KCNQ1: variants seen among roughly 807,000 people sequenced by gnomAD.
The protein encoded by KCNQ1 is potassium voltage-gated channel subfamily KQT member 1.
A neutral mutation model predicts 72.4 loss-of-function variants in KCNQ1; 49 were observed. That is an observed-to-expected ratio of 0.68 (90% confidence interval 0.54 to 0.86). The LOEUF is 0.86. KCNQ1 is among the 40% of genes least tolerant of loss of function. KCNQ1 has a pLI of 0.00. For synonymous variants in KCNQ1, 450 were observed against 412.6 expected (o/e 1.09, Z -1.10); for missense variants, 790 against 945.1 (o/e 0.84, Z 2.15).
At chr11:2,696,077 G>T in intron 11 of KCNQ1, 1 of 398,610 alleles carries the variant, frequency 2.5e-6, no homozygotes, top group South Asian at 1.3e-4. Context: ...CCCTTGCCAT[G>T]ATGGATTTAT....
At chr11:2,760,379 A>G (rs929829653) in intron 11 of KCNQ1, among the ~76,000 whole-genome samples, 2 of 152,224 alleles carry the variant, frequency 1.3e-5, no homozygotes, top group African/African-American at 4.8e-5. Flanking sequence ...TCATCTACAA[A>G]TTATTAACAA....
chr11:2,781,640 C>A lies in KCNQ1; in HGVS notation c.1794+3603C>A, dbSNP rs1846824494. On this transcript the variant is annotated intron_variant, in intron 15 of 15. Coordinates refer to ENST00000155840, the MANE Select transcript of KCNQ1 (RefSeq NM_000218.3). This position sits in a 1 kb window ranked among gnomAD's most constrained non-coding sequence, Gnocchi z 6.6. ...AGAGGCCGCTCCAGCCCTCCTCCCC[C>A]AGCAAGTATTCTTAGCTTGGTCTCC... 6.6e-6 allele frequency among the ~76,000 whole-genome samples: 1 copy of A among 152,244 alleles called. No individual in the cohort carries two copies.
rs1846216748 is a variant in KCNQ1, at chr11:2,750,956, G to C, written c.1515-17888G>C. Among the ~76,000 whole-genome samples, 1 of 152,096 alleles carries C rather than the reference G, an allele frequency of 6.6e-6. No homozygotes were observed. Among genetic ancestry groups the C allele is most frequent in the Non-Finnish European group, 1.5e-5 (1 of 68,022 alleles). ...CCCAACCTCGAGGCTCTTTACCTCT[G>C]TCTGTGCACCCACCCAGCCCCTCCT... On this transcript the variant is annotated intron_variant, in intron 11 of 15. Transcript: ENST00000155840. The surrounding 1 kb of genome is among the most constrained non-coding windows in gnomAD (Gnocchi z 6.3).
intron 6 of KCNQ1, among the ~76,000 whole-genome samples, chr11:2,580,626 T>C (rs574231454): frequency 2.6e-5 from 4 of 151,960 alleles, no homozygotes; most frequent in African/African-American, 9.7e-5. Flanking sequence ...CCACAGAGAG[T>C]GCTGCCGTCC....
intron 1 of KCNQ1, among the ~76,000 whole-genome samples, chr11:2,445,731 A>G (rs1379966422): frequency 6.6e-6 from 1 of 152,162 alleles, no homozygotes; most frequent in East Asian, 1.9e-4. Context: ...GGAGGGGACC[A>G]CCTGGAGCCC....
rs367816230 is a variant in KCNQ1 at position 2,455,292 on chromosome 11, G to C, written c.386+9808G>C. 7.2e-5 allele frequency among the ~76,000 whole-genome samples: 11 copies of C among 151,948 alleles called. No individual in the cohort carries two copies. In the East Asian group the frequency reaches 1.5e-3, roughly 21 times the overall value. On this transcript the variant is annotated intron_variant, in intron 1 of 15. Transcript: ENST00000155840. ...TTTTGTATTTTTTAGTAGAGACGGG[G>C]TTTCACCGTGTTAGCCAGGATGGTC...
chr11:2,622,802 T>C lies in KCNQ1; in HGVS notation c.1393+33948T>C, dbSNP rs149869349. 598 of 398,610 alleles carry C rather than the reference T, an allele frequency of 1.5e-3. 3 individuals carry two copies. Among genetic ancestry groups the C allele is most frequent in the African/African-American group, 0.011 (519 of 48,736 alleles). The allele number at this position is 398,610 out of a possible 1,614,324, so 24.7% of individuals were successfully genotyped here. A position where few individuals can be genotyped will look rare whatever the true frequency, so the allele number is the denominator to read the frequency against. ...ATTTCCCGTATACCCACTGCACCCATACATACAGAGCTTTTCCCATTACCA... is the reference window on the plus strand; with the variant it reads ...ATTTCCCGTATACCCACTGCACCCACACATACAGAGCTTTTCCCATTACCA... On this transcript the variant is annotated intron_variant, in intron 10 of 15. Coordinates refer to ENST00000155840, the MANE Select transcript of KCNQ1 (RefSeq NM_000218.3).
Position 2,668,407 on chromosome 11 carries a change from A to G in KCNQ1, c.1514+6326A>G. 1 of 398,530 alleles carries G rather than the reference A, an allele frequency of 2.5e-6. No homozygotes were observed. The highest frequency in any genetic ancestry group is 4.4e-6 in the Non-Finnish European group (1 of 226,056). The allele number at this position is 398,530 out of a possible 1,614,324, so 24.7% of individuals were successfully genotyped here. On this transcript the variant is annotated intron_variant, in intron 11 of 15. Coordinates refer to ENST00000155840, the MANE Select transcript of KCNQ1 (RefSeq NM_000218.3). The surrounding 1 kb of genome is among the most constrained non-coding windows in gnomAD (Gnocchi z 4.3). ...GCAGTCTACCAAAGGAGTCATTCCA[A>G]TTTTCATTCCCACAGGCAGCATTCT...
chr11:2,730,167 C>T (rs542855931), intron 11 of KCNQ1, among the ~76,000 whole-genome samples: 2 of 152,302 alleles, frequency 1.3e-5, no homozygotes, highest in South Asian at 2.1e-4. Flanking sequence ...ACAGACCTGG[C>T]AGACCAGGAG....
rs752267516 is a variant in KCNQ1, at chr11:2,669,167, G to C, written c.1514+7086G>C. 1 of 398,530 alleles carries C rather than the reference G, an allele frequency of 2.5e-6. No homozygotes were observed. The highest frequency in any genetic ancestry group is 4.4e-6 in the Non-Finnish European group (1 of 226,102). The allele number at this position is 398,530 out of a possible 1,614,324, so 24.7% of individuals were successfully genotyped here. On this transcript the variant is annotated intron_variant, in intron 11 of 15. Transcript: ENST00000155840. The surrounding 1 kb of genome is among the most constrained non-coding windows in gnomAD (Gnocchi z 5.6). ...ACTGGTCAGATTCAAGTTGTTCTTT[G>C]TGGCCAGGACCTTGCTTCCTTCTCA...
In KCNQ1 at chr11:2,668,148, G is replaced by A; in HGVS notation, c.1514+6067G>A. On this transcript the variant is annotated intron_variant, in intron 11 of 15. Transcript: ENST00000155840. This position sits in a 1 kb window ranked among gnomAD's most constrained non-coding sequence, Gnocchi z 4.3. ...CAGCCTCTCTATGGGGCTGAAGGGA[G>A]AGTGCTCCCTCATGCTCCTTGCTGA... The A allele has an allele frequency of 5.0e-6, 2 of 398,668 alleles. No homozygotes were observed. The highest frequency in any genetic ancestry group is 8.8e-6 in the Non-Finnish European group (2 of 226,092). The allele number at this position is 398,668 out of a possible 1,614,324, so 24.7% of individuals were successfully genotyped here. A position where few individuals can be genotyped will look rare whatever the true frequency, so the allele number is the denominator to read the frequency against.
At position 2,486,039 on chromosome 11, in the gene KCNQ1, A is replaced by G. The variant is rs959806362; in HGVS notation, c.386+40555A>G. ...ATATCTTTTCAACGCCCTGCTTTCAATTCTTTTGGGTATATACCCAGAAGT... is the reference window on the plus strand; with the variant it reads ...ATATCTTTTCAACGCCCTGCTTTCAGTTCTTTTGGGTATATACCCAGAAGT... On this transcript the variant is annotated intron_variant, in intron 1 of 15. Coordinates refer to ENST00000155840, the MANE Select transcript of KCNQ1 (RefSeq NM_000218.3). The surrounding 1 kb of genome is among the most constrained non-coding windows in gnomAD (Gnocchi z 5.0). 2.0e-5 allele frequency among the ~76,000 whole-genome samples: 3 copies of G among 152,172 alleles called. No homozygotes were observed. Among genetic ancestry groups the G allele is most frequent in the Admixed American group, 6.5e-5 (1 of 15,286 alleles).
chr11:2,699,036 T>A, intron 11 of KCNQ1: 2 of 398,626 alleles, frequency 5.0e-6, no homozygotes, highest in Non-Finnish European at 8.8e-6. Flanking sequence ...GATTTCCGAC[T>A]CCGGTCCCAA....
In KCNQ1 at chr11:2,664,673, G is replaced by A; in HGVS notation, c.1514+2592G>A. On this transcript the variant is annotated intron_variant, in intron 11 of 15. Coordinates refer to ENST00000155840, the MANE Select transcript of KCNQ1 (RefSeq NM_000218.3). The surrounding 1 kb of genome is among the most constrained non-coding windows in gnomAD (Gnocchi z 5.1). The stretch of plus-strand genomic sequence containing the variant: ...CTCAGGGATGCAGCGAAGCTCCTGT[G>A]GGCAGCCTGGCCCCATGGACCCTGA... 2.5e-6 allele frequency: 1 copy of A among 398,800 alleles called. No homozygotes were observed. The highest frequency in any genetic ancestry group is 4.4e-6 in the Non-Finnish European group (1 of 226,228). The allele number at this position is 398,800 out of a possible 1,614,324, so 24.7% of individuals were successfully genotyped here.
At chr11:2,585,087 G>C in intron 7 of KCNQ1, 125 bp from the exon 8 acceptor site, 5 of 837,790 alleles carry the variant, frequency 6.0e-6, no homozygotes, top group South Asian at 1.4e-5. Context: ...GGTGGGACTT[G>C]GGGGGGCTTC....
Position 2,830,017 on chromosome 11 carries a change from AAGGAGGAGGAAGGAGGAGGG to A in KCNQ1, c.1795-17742_1795-17723del, listed in dbSNP as rs1199461700. Among the ~76,000 whole-genome samples, 1 of 94,224 alleles carries A rather than the reference AAGGAGGAGGAAGGAGGAGGG, an allele frequency of 1.1e-5. No individual in the cohort carries two copies. Among genetic ancestry groups the A allele is most frequent in the Non-Finnish European group, 2.2e-5 (1 of 46,316 alleles). The allele number at this position is 94,224 out of a possible 152,430, so 61.8% of individuals were successfully genotyped here. On this transcript the variant is annotated intron_variant, in intron 15 of 15. Transcript: ENST00000155840. This position sits in a 1 kb window ranked among gnomAD's most constrained non-coding sequence, Gnocchi z 7.7. ...GGAAGAGGGAGGAGGAAGGAGGAGGAAGGAGGAGGAAGGAGGAGGGAGGAGGAAGGAGGAGGGAGGAGGGA... is the reference window on the plus strand; with the variant it reads ...GGAAGAGGGAGGAGGAAGGAGGAGGAAGGAGGAAGGAGGAGGGAGGAGGGA...
rs561856366 is a variant in KCNQ1, at chr11:2,526,239, C to T, written c.387-1689C>T. 4.0e-5 allele frequency among the ~76,000 whole-genome samples: 6 copies of T among 151,104 alleles called. No individual in the cohort carries two copies. In the East Asian group the frequency reaches 7.9e-4, roughly 20 times the overall value. On this transcript the variant is annotated intron_variant, in intron 1 of 15. Transcript: ENST00000155840. This position sits in a 1 kb window ranked among gnomAD's most constrained non-coding sequence, Gnocchi z 6.1. ...ACTGGCTGGGTGTGTGGGCTGGGGG[C>T]GCCGAGGGTGGAGGTGGGCACTGTG...
chr11:2,533,742 C>T (rs938121643), intron 2 of KCNQ1, among the ~76,000 whole-genome samples: 1 of 152,224 alleles, frequency 6.6e-6, no homozygotes, highest in Non-Finnish European at 1.5e-5. Flanking sequence ...AACTGGCCCC[C>T]TGCTCTCTGC....
rs553892609 is a variant in KCNQ1 at position 2,597,739 on chromosome 11, G to A, written c.1393+8885G>A. On this transcript the variant is annotated intron_variant, in intron 10 of 15. Coordinates refer to ENST00000155840, the MANE Select transcript of KCNQ1 (RefSeq NM_000218.3). ...TCTGGGCCTGATACATGTTTTATAG[G>A]ATATCTTTAGTAATTTCTTTTTAGT... is the stretch of plus-strand genomic sequence containing the variant. 1.3e-3 allele frequency among the ~76,000 whole-genome samples: 200 copies of A among 152,274 alleles called. 1 individual carries two copies. The highest frequency in any genetic ancestry group is 2.7e-3 in the South Asian group (13 of 4,820).
Sources: gnomAD v4.1 joint callset for allele counts (sites outside exome capture counted in the v4.1 genomes callset) on GRCh38, gnomAD v4.1.1 for gene constraint, Gnocchi (gnomAD v3.1) non-coding constraint, MANE v1.5 for transcripts, NCBI Gene and HGNC (gene_info 2026-07-23, HGNC 2026-07-21) for gene names.